The following DLGAP4 variants were observed in gnomAD, a reference collection of about 807,000 sequenced individuals.
DLGAP4 encodes the protein DLG associated protein 4, also known as disks large-associated protein 4.
In DLGAP4, 18 loss-of-function variants were observed where a neutral mutation model predicts 86.9. That is an observed-to-expected ratio of 0.21 (90% confidence interval 0.14 to 0.31). DLGAP4 has a LOEUF of 0.31. Ranked by LOEUF, DLGAP4 falls within the 10% of genes least tolerant of loss-of-function variation. DLGAP4 has a pLI of 1.00. For missense variants in DLGAP4, 1,085 were observed against 1,362.6 expected (o/e 0.80, Z 3.21); for synonymous variants, 548 against 574.3 (o/e 0.95, Z 0.65).
At chr20:36,408,339 G>A (rs1017066060) in intron 2 of DLGAP4, among the ~76,000 whole-genome samples, 20 of 151,958 alleles carry the variant, frequency 1.3e-4, no homozygotes, top group Non-Finnish European at 2.8e-4. Flanking sequence ...ACCCCTGGAG[G>A]ACCAAGCAGA....
intron 7 of DLGAP4, among the ~76,000 whole-genome samples, chr20:36,488,323 A>G (rs1295874659): frequency 1.3e-5 from 2 of 152,042 alleles, no homozygotes; most frequent in East Asian, 3.9e-4. Context: ...GTGCAGGCAA[A>G]TCTCCACCTC....
At chr20:36,441,008 C>T (rs2033431406) in intron 5 of DLGAP4, among the ~76,000 whole-genome samples, 1 of 152,078 alleles carries the variant, frequency 6.6e-6, no homozygotes, top group African/African-American at 2.4e-5. Flanking sequence ...GTGCCGCAGC[C>T]CAGGGAGCCC....
Position 36,527,134 on chromosome 20 carries a change from A to G in DLGAP4, c.*103A>G, listed in dbSNP as rs2037821100. The G allele has an allele frequency of 4.0e-6, 5 of 1,251,458 alleles. No individual in the cohort carries two copies. The African/African-American group carries it at 6.0e-5, about 15-fold the overall frequency. 77.5% of individuals were successfully genotyped at this position (1,251,458 alleles called of 1,614,324 possible). ...AACCTTTGCTATGGTTATTCTGTCT[A>G]GAGACCCTGAGCCAACTTTCAAATT... On this transcript the variant is annotated 3_prime_UTR_variant, in exon 13 of 13. Transcript: ENST00000339266.
chr20:36,394,601 A>G (rs2031889441), intron 2 of DLGAP4, among the ~76,000 whole-genome samples: 1 of 152,106 alleles, frequency 6.6e-6, no homozygotes. Context: ...AGCCTCCGTG[A>G]GTAATTCCAG....
At chr20:36,511,098 C>T (rs1337159547) in intron 10 of DLGAP4, 1 of 152,188 alleles carries the variant, frequency 6.6e-6, no homozygotes. Flanking sequence ...TGAATCTTCT[C>T]AACTATAAGT....
At chr20:36,514,182 C>T (rs1012216510) in intron 10 of DLGAP4, among the ~76,000 whole-genome samples, 12 of 152,068 alleles carry the variant, frequency 7.9e-5, no homozygotes, top group Admixed American at 3.3e-4. Context: ...GTGTCAAAGG[C>T]AGCTGAAGGG....
chr20:36,345,198 A>G (rs2029897488), intron 1 of DLGAP4, among the ~76,000 whole-genome samples: 4 of 152,176 alleles, frequency 2.6e-5, no homozygotes, highest in African/African-American at 7.2e-5. Context: ...CTGTTCCATT[A>G]TATAGACGAG....
At chr20:36,484,004 A>T (rs1858374490) in intron 7 of DLGAP4, among the ~76,000 whole-genome samples, 1 of 152,096 alleles carries the variant, frequency 6.6e-6, no homozygotes, top group Non-Finnish European at 1.5e-5. Flanking sequence ...GTGGCACCTA[A>T]CTCCCAGCCC....
chr20:36,490,579 A>C (rs1009173849), intron 7 of DLGAP4, among the ~76,000 whole-genome samples: 1 of 152,256 alleles, frequency 6.6e-6, no homozygotes, highest in South Asian at 2.1e-4. Context: ...AGCTTCATCC[A>C]TTCATGGGGG....
intron 1 of DLGAP4, among the ~76,000 whole-genome samples, chr20:36,330,422 A>G (rs2065255942): frequency 1.3e-5 from 2 of 152,128 alleles, no homozygotes; most frequent in East Asian, 1.9e-4. Context: ...TATGGCTTCT[A>G]GAGGTGGACC....
chr20:36,357,864 G>C (rs1488573217), intron 1 of DLGAP4, among the ~76,000 whole-genome samples: 5 of 152,202 alleles, frequency 3.3e-5, no homozygotes, highest in Non-Finnish European at 7.3e-5. Context: ...GGCCGGTGAG[G>C]GGGCTGCGGA....
chr20:36,437,029 C>T (rs2033306501), intron 4 of DLGAP4, among the ~76,000 whole-genome samples: 1 of 152,186 alleles, frequency 6.6e-6, no homozygotes, highest in Non-Finnish European at 1.5e-5. Flanking sequence ...GTCCCGCCTT[C>T]CTCCCATTCG....
rs1318408332 is a variant in DLGAP4, at chr20:36,526,838, T to A, written c.2786T>A (p.Val929Asp). 4 of 1,609,422 alleles carry A rather than the reference T, an allele frequency of 2.5e-6. No individual in the cohort carries two copies. The South Asian group carries it at 4.4e-5, about 18-fold the overall frequency. ...RKEEKKPPPPVPKKPAKSKPA... is the reference protein window; with the variant it reads ...RKEEKKPPPPDPKKPAKSKPA... ...GAAGAGAAGAAACCACCCCCTCCGG[T>A]CCCAAAGAAGCCAGCCAAATCCAAG... The change falls in exon 13 of 13, where the codon GTC becomes GAC. Residue 929 changes from valine to aspartate, a missense_variant. Val to Asp is a radical substitution (Grantham distance 152). Transcript: ENST00000339266.
At chr20:36,481,058 C>T (rs1020642899) in intron 7 of DLGAP4, among the ~76,000 whole-genome samples, 2 of 152,108 alleles carry the variant, frequency 1.3e-5, no homozygotes, top group Admixed American at 1.3e-4. Flanking sequence ...TGTGGTATCA[C>T]GTCCAGAACT....
intron 5 of DLGAP4, among the ~76,000 whole-genome samples, chr20:36,442,286 A>C (rs1286484811): frequency 6.6e-6 from 1 of 152,164 alleles, no homozygotes; most frequent in African/African-American, 2.4e-5. Context: ...CCTCCGCCTC[A>C]CGGGTTCAAG....
intron 10 of DLGAP4, among the ~76,000 whole-genome samples, chr20:36,505,011 G>A (rs997754306): frequency 1.6e-4 from 23 of 148,052 alleles, no homozygotes; most frequent in Admixed American, 1.3e-3. Context: ...TTTTTGAGAC[G>A]GAGTCTCGCT....
chr20:36,395,369 T>C (rs575855660), intron 2 of DLGAP4, among the ~76,000 whole-genome samples: 8 of 152,216 alleles, frequency 5.3e-5, no homozygotes, highest in Non-Finnish European at 1.0e-4. Flanking sequence ...CCGAGAGCTT[T>C]GAGTGCCTGG....
At chr20:36,417,783 T>G (rs4991767) in intron 2 of DLGAP4, among the ~76,000 whole-genome samples, 109,820 of 150,856 alleles carry the variant, frequency 0.73, 40,708 homozygotes, top group African/African-American at 0.87. Flanking sequence ...GTTTTTTTTT[T>G]TTGTTGTTGT....
intron 2 of DLGAP4, among the ~76,000 whole-genome samples, chr20:36,406,089 G>T (rs896447339): frequency 1.1e-4 from 17 of 152,120 alleles, no homozygotes; most frequent in Non-Finnish European, 5.9e-5. Context: ...GTGGGGAGTT[G>T]GGTGGCAATG....
Sources: gnomAD v4.1 joint callset for allele counts (sites outside exome capture counted in the v4.1 genomes callset) on GRCh38, gnomAD v4.1.1 for gene constraint, MANE v1.5 for transcripts, NCBI Gene and HGNC (gene_info 2026-07-23, HGNC 2026-07-21) for gene names.